Variants in ZSWIM8 observed in about 807,000 individuals in gnomAD.
ZSWIM8 encodes zinc finger SWIM-type containing 8, also known as zinc finger SWIM domain-containing protein 8.
ZSWIM8 carries 27 observed loss-of-function variants against 173.7 expected under a neutral mutation model. The ratio of observed to expected loss-of-function variants is 0.16; its 90% CI spans 0.11 to 0.21. The LOEUF is 0.21. Among genes scored for constraint, ZSWIM8 ranks in the 10% least tolerant of loss-of-function variants. The pLI is 1.00. For missense variants in ZSWIM8, 1,627 were observed against 2,428.8 expected (o/e 0.67, Z 6.94); for synonymous variants, 958 against 962.0 (o/e 1.00, Z 0.08).
rs1291239591 is a variant in ZSWIM8 at position 73,789,896 on chromosome 10, C to T, written c.739-60C>T. ...CGCATAACAGCCTTCCTGTTAGGCC[C>T]AGGCCTCCATGGGTTCACCTAGGCC... is the stretch of plus-strand genomic sequence containing the variant. On this transcript the variant is annotated intron_variant, in intron 5 of 25. Transcript: ENST00000604729. This position sits in a 1 kb window ranked among gnomAD's most constrained non-coding sequence, Gnocchi z 6.8. 9.5e-6 allele frequency: 15 copies of T among 1,586,802 alleles called. No individual in the cohort carries two copies. Among genetic ancestry groups the T allele is most frequent in the Non-Finnish European group, 1.3e-5 (15 of 1,163,868 alleles).
Position 73,786,071 on chromosome 10 carries a change from G to T in ZSWIM8, c.193G>T (p.Gly65Cys). The change falls in exon 1 of 26, where the codon GGT becomes TGT. Residue 65 changes from glycine (G) to cysteine (C), a missense_variant. Physicochemically the swap from Gly to Cys is radical, Grantham distance 159. Transcript: ENST00000604729. ...CGGCGGTGGCGGAGGTGGCAGTGGC[G>T]GTACCAGAATGCGAGGTGAGAGTGA... ...TGGGGGGGSG[G>C]TRMRDGLVIP... is the part of the protein sequence containing the mutation. 2 of 1,581,208 alleles carry T rather than the reference G, an allele frequency of 1.3e-6. No individual in the cohort carries two copies.
At chr10:73,786,626 C>T (rs1354308240) in intron 1 of ZSWIM8, 1 of 152,532 alleles carries the variant, frequency 6.6e-6, no homozygotes, top group Non-Finnish European at 1.5e-5. Context: ...CCCAGAAGCA[C>T]CAAGAAGGGA....
At position 73,800,796 on chromosome 10, in the gene ZSWIM8, C is replaced by CCA. The variant is rs1565090424; in HGVS notation, c.5122+39_5122+40dup. 2 of 1,468,710 alleles carry CCA rather than the reference C, an allele frequency of 1.4e-6. No individual in the cohort carries two copies. Among genetic ancestry groups the CCA allele is most frequent in the Non-Finnish European group, 1.9e-6 (2 of 1,076,354 alleles). 91.0% of individuals were successfully genotyped at this position (1,468,710 alleles called of 1,614,324 possible). ...CCTCCCTAGGACCATTGCCCCCCCC[C>CCA]CACCTGCTCTCCCCACCTTCCTTAT... On this transcript the variant is annotated intron_variant, in intron 24 of 25. Transcript: ENST00000604729. The surrounding 1 kb of genome is among the most constrained non-coding windows in gnomAD (Gnocchi z 4.1).
chr10:73,790,810 T>A (rs980730003), intron 7 of ZSWIM8, among the ~76,000 whole-genome samples, 165 bp from the exon 8 acceptor site: 1 of 152,136 alleles, frequency 6.6e-6, no homozygotes, highest in Non-Finnish European at 1.5e-5. Context: ...GATCGCGCCA[T>A]TGCACTCAAG....
At chr10:73,799,768 T>C in intron 21 of ZSWIM8, 1 of 629,096 alleles carries the variant, frequency 1.6e-6, no homozygotes, top group Non-Finnish European at 2.7e-6. Flanking sequence ...CCGTCTCTAC[T>C]AAAAATTAGC....
intron 21 of ZSWIM8, 34 bp from the exon 22 acceptor site, chr10:73,799,977 T>G (rs747800715): frequency 8.7e-6 from 14 of 1,604,064 alleles, no homozygotes; most frequent in Non-Finnish European, 1.1e-5. Flanking sequence ...CTAATCAAGT[T>G]TGGCATCTTC....
rs1046887812 is a variant in ZSWIM8, at chr10:73,785,753, C to G, written c.-126C>G. 5.7e-6 allele frequency: 6 copies of G among 1,048,350 alleles called. No homozygotes were observed. Among genetic ancestry groups the G allele is most frequent in the Non-Finnish European group, 8.4e-6 (6 of 717,628 alleles). 64.9% of individuals were successfully genotyped at this position (1,048,350 alleles called of 1,614,324 possible). A position where few individuals can be genotyped will look rare whatever the true frequency, so the allele number is the denominator to read the frequency against. Reference sequence around the variant, plus strand: ...GAGATTCTCGCCCGGCACGGCCGCCCTGAGCGCCCCGGCCACCCCCAGCCC... The same window carrying G: ...GAGATTCTCGCCCGGCACGGCCGCCGTGAGCGCCCCGGCCACCCCCAGCCC... On this transcript the variant is annotated 5_prime_UTR_variant, in exon 1 of 26. Transcript: ENST00000604729.
At chr10:73,786,327 GGTGTGTGTGTGT>G (rs575266137) in intron 1 of ZSWIM8, 11 of 418,200 alleles carry the variant, frequency 2.6e-5, no homozygotes, top group Non-Finnish European at 4.2e-5. Context: ...TGTGTGTGTG[GGTGTGTGTGTGT>G]GTGTGTGCGC....
chr10:73,785,818 G>T lies in ZSWIM8; in HGVS notation c.-61G>T, dbSNP rs1443634766. 1 of 1,459,406 alleles carries T rather than the reference G, an allele frequency of 6.9e-7. No individual in the cohort carries two copies. Among genetic ancestry groups the T allele is most frequent in the African/African-American group, 1.5e-5 (1 of 67,286 alleles). 90.4% of individuals were successfully genotyped at this position (1,459,406 alleles called of 1,614,324 possible). On this transcript the variant is annotated 5_prime_UTR_variant, in exon 1 of 26. Transcript: ENST00000604729. The stretch of plus-strand genomic sequence containing the variant: ...GGCCCCGGGCCTCCCCTCAACCCCC[G>T]GCCGGCGGCCCAGGCCCCGGATCCG...
chr10:73,795,430 G>A (rs1417846060), intron 14 of ZSWIM8, 109 bp from the exon 15 acceptor site: 2 of 1,529,448 alleles, frequency 1.3e-6, no homozygotes, highest in African/African-American at 1.4e-5. Flanking sequence ...GTTGGACCAA[G>A]GGAACCCCTT....
In ZSWIM8 at chr10:73,792,110, T is replaced by A; in HGVS notation, c.1571T>A (p.Leu524Gln). 6.5e-7 allele frequency: 1 copy of A among 1,533,064 alleles called. No individual in the cohort carries two copies. The highest frequency in any genetic ancestry group is 2.1e-5 in the Admixed American group (1 of 48,302). The allele number at this position is 1,533,064 out of a possible 1,614,324, so 95.0% of individuals were successfully genotyped here. A position where few individuals can be genotyped will look rare whatever the true frequency, so the allele number is the denominator to read the frequency against. The change falls in exon 10 of 26, where the codon CTG becomes CAG. Residue 524 changes from leucine to glutamine, a missense_variant. By Grantham distance (113) the Leu-to-Gln change is moderately radical. Transcript: ENST00000604729. This position sits in a 1 kb window ranked among gnomAD's most constrained non-coding sequence, Gnocchi z 4.3. ...SRPGASRSGGLEESRDRPRPL... is the reference protein window; with the variant it reads ...SRPGASRSGGQEESRDRPRPL... ...CCAGGTGCCTCCCGCTCTGGGGGCC[T>A]GGAGGAATCCCGGGACCGGCCCCGA...
chr10:73,789,936 T>C lies in ZSWIM8; in HGVS notation c.739-20T>C. On this transcript the variant is annotated intron_variant, in intron 5 of 25. Transcript: ENST00000604729. The surrounding 1 kb of genome is among the most constrained non-coding windows in gnomAD (Gnocchi z 6.8). ...TCACCTAGGCCGTGTTCTGCCTGCCTCCGTCTCTTTCTCCCTCAGATCCTC... is the reference window on the plus strand; with the variant it reads ...TCACCTAGGCCGTGTTCTGCCTGCCCCCGTCTCTTTCTCCCTCAGATCCTC... 6.2e-7 allele frequency: 1 copy of C among 1,610,216 alleles called. No individual in the cohort carries two copies. Among genetic ancestry groups the C allele is most frequent in the Non-Finnish European group, 8.5e-7 (1 of 1,178,120 alleles).
At position 73,801,736 on chromosome 10, in the gene ZSWIM8, G is replaced by C. The variant is rs1339460891; in HGVS notation, c.*217G>C. 2 of 1,527,662 alleles carry C rather than the reference G, an allele frequency of 1.3e-6. No homozygotes were observed. Among genetic ancestry groups the C allele is most frequent in the African/African-American group, 2.7e-5 (2 of 72,934 alleles). 94.6% of individuals were successfully genotyped at this position (1,527,662 alleles called of 1,614,324 possible). On this transcript the variant is annotated 3_prime_UTR_variant, in exon 26 of 26. Coordinates refer to ENST00000604729, the MANE Select transcript of ZSWIM8 (RefSeq NM_001367799.1). This position sits in a 1 kb window ranked among gnomAD's most constrained non-coding sequence, Gnocchi z 4.9. ...ACAGCCCTGTCTGGGAGGGGGCGTT[G>C]GGTGGCCTCTGGTATTTATTTGGCA... is the stretch of plus-strand genomic sequence containing the variant.
Position 73,798,249 on chromosome 10 carries a change from C to A in ZSWIM8, c.3972C>A (p.Gly1324=). The part of the protein sequence containing the change: ...SWITGQAMEI[G]SAALTILVEC... ...CCTAAGGCCAGGCCATGGAGATAGG[C>A]AGCGCAGCCCTGACTATACTGGTAG... Residue 1324 remains glycine, a synonymous_variant, in exon 20 of 26, where the codon GGC becomes GGA. Transcript: ENST00000604729. 1 of 1,614,010 alleles carries A rather than the reference C, an allele frequency of 6.2e-7. No homozygotes were observed.
rs2083863827 is a variant in ZSWIM8 at position 73,800,048 on chromosome 10, A to G, written c.4703A>G (p.Tyr1568Cys). Residue 1568 changes from tyrosine (Y) to cysteine (C), a missense_variant, in exon 22 of 26, where the codon TAT (tyrosine) becomes TGT (cysteine). Physicochemically the swap from Tyr to Cys is radical, Grantham distance 194 (BLOSUM62 -2). Around this residue, in one of 18 missense-constraint regions of ZSWIM8, gnomAD observed 275 missense variants for 290.1 expected, o/e 0.95. Transcript: ENST00000604729. The surrounding 1 kb of genome is among the most constrained non-coding windows in gnomAD (Gnocchi z 4.1). ...GCATTCCTAGGGGCTCAGTACCCTT[A>G]TTCAGTGACTCCTCCCTCACTTGCT... is the stretch of plus-strand genomic sequence containing the variant. ...HPAFLGAQYP[Y>C]SVTPPSLAAT... is the part of the protein sequence containing the mutation. 6.2e-7 allele frequency: 1 copy of G among 1,613,608 alleles called. No individual in the cohort carries two copies. The highest frequency in any genetic ancestry group is 1.3e-5 in the African/African-American group (1 of 74,914).
chr10:73,800,922 G>A lies in ZSWIM8; in HGVS notation c.5123-95G>A, dbSNP rs2083925205. 7 of 1,346,354 alleles carry A rather than the reference G, an allele frequency of 5.2e-6. No individual in the cohort carries two copies. The highest frequency in any genetic ancestry group is 6.1e-6 in the Non-Finnish European group (6 of 984,476). The allele number at this position is 1,346,354 out of a possible 1,614,324, so 83.4% of individuals were successfully genotyped here. A position where few individuals can be genotyped will look rare whatever the true frequency, so the allele number is the denominator to read the frequency against. On this transcript the variant is annotated intron_variant, in intron 24 of 25. Coordinates refer to ENST00000604729, the MANE Select transcript of ZSWIM8 (RefSeq NM_001367799.1). This position sits in a 1 kb window ranked among gnomAD's most constrained non-coding sequence, Gnocchi z 4.1. ...GTTACCTCAGCTCCTGGGGTGGAGG[G>A]AGGCTCTCTGCCAGGCCAGAGCTGA...
chr10:73,788,954 G>A (rs1016943360), intron 2 of ZSWIM8, 131 bp downstream of exon 2: 15 of 1,390,852 alleles, frequency 1.1e-5, no homozygotes, highest in African/African-American at 1.4e-5. Context: ...GGATTGCCTG[G>A]GATTCCACTC....
In ZSWIM8 at chr10:73,785,791, C is replaced by A; in HGVS notation, c.-88C>A. ...CCACCCCCAGCCCCGGCTCGCCCCTCAGGCCCCGGGCCTCCCCTCAACCCC... is the reference window on the plus strand; with the variant it reads ...CCACCCCCAGCCCCGGCTCGCCCCTAAGGCCCCGGGCCTCCCCTCAACCCC... On this transcript the variant is annotated 5_prime_UTR_variant, in exon 1 of 26. Coordinates refer to ENST00000604729, the MANE Select transcript of ZSWIM8 (RefSeq NM_001367799.1). 3 of 1,413,262 alleles carry A rather than the reference C, an allele frequency of 2.1e-6. 1 individual carries two copies. The South Asian group carries it at 3.9e-5, about 18-fold the overall frequency. 87.5% of individuals were successfully genotyped at this position (1,413,262 alleles called of 1,614,324 possible). A position where few individuals can be genotyped will look rare whatever the true frequency, so the allele number is the denominator to read the frequency against.
chr10:73,794,749 G>C (rs1423871853), intron 14 of ZSWIM8, 110 bp downstream of exon 14: 2 of 986,068 alleles, frequency 2.0e-6, no homozygotes, highest in African/African-American at 1.6e-5. Context: ...AGGATGACAT[G>C]TGTGAGCCAA....
Sources: gnomAD v4.1 joint callset for allele counts (sites outside exome capture counted in the v4.1 genomes callset) on GRCh38, gnomAD v4.1.1 for gene constraint, gnomAD v4.1.1 regional missense constraint, Gnocchi (gnomAD v3.1) non-coding constraint, MANE v1.5 for transcripts, NCBI Gene and HGNC (gene_info 2026-07-23, HGNC 2026-07-21) for gene names.